The following WRN variants were observed in gnomAD, a reference collection of about 807,000 sequenced individuals.
The protein encoded by WRN is WRN RecQ like helicase.
WRN carries 149 observed loss-of-function variants against 180.7 expected under a neutral mutation model. That is an observed-to-expected ratio of 0.82 (90% CI 0.72 to 0.94). The LOEUF is 0.94. WRN is among the 40% of genes least tolerant of loss of function. The pLI is 0.00. For synonymous variants in WRN, 548 were observed against 568.9 expected, an observed-to-expected ratio of 0.96 and a Z score of 0.52; for missense variants, 1,661 against 1,700.1, an observed-to-expected ratio of 0.98 and a Z score of 0.40.
chr8:31,072,291 GGCAATGC>G (rs1812941787), intron 7 of WRN, among the ~76,000 whole-genome samples: 1 of 152,194 alleles, frequency 6.6e-6, no homozygotes. Context: ...CATTAGATTT[GGCAATGC>G]GCCAATCATT....
chr8:31,111,643 C>T lies in WRN; in HGVS notation c.2117C>T (p.Ala706Val), dbSNP rs2130283010. ...MVPIVALTAT[A>V]SSSIREDIVR... is the part of the protein sequence containing the mutation. Reference sequence around the variant, plus strand: ...CCAATCGTTGCACTTACTGCTACTGCAAGTTCTTCAATCCGGGAAGACATT... The same window carrying T: ...CCAATCGTTGCACTTACTGCTACTGTAAGTTCTTCAATCCGGGAAGACATT... The change falls in exon 19 of 35, where the codon GCA (alanine) becomes GTA (valine). Residue 706 changes from alanine to valine, a missense_variant. By Grantham distance (64) the Ala-to-Val change is moderately conservative. Transcript: ENST00000298139. 16 of 1,614,034 alleles carry T rather than the reference C, an allele frequency of 9.9e-6. No homozygotes were observed. The highest frequency in any genetic ancestry group is 1.3e-5 in the Non-Finnish European group (15 of 1,179,962).
intron 21 of WRN, among the ~76,000 whole-genome samples, chr8:31,121,355 G>A (rs1471269213): frequency 1.3e-5 from 2 of 151,910 alleles, no homozygotes; most frequent in African/African-American, 4.8e-5. Flanking sequence ...ATTAAACAAT[G>A]TGTTTTTGAT....
intron 1 of WRN, among the ~76,000 whole-genome samples, chr8:31,045,285 A>G (rs1471453831): frequency 6.6e-6 from 1 of 152,218 alleles, no homozygotes. Context: ...CCTACAGTCA[A>G]ACAAATTAAC....
chr8:31,054,794 A>C (rs777394074), intron 1 of WRN, among the ~76,000 whole-genome samples: 5 of 152,244 alleles, frequency 3.3e-5, no homozygotes, highest in Admixed American at 3.3e-4. Context: ...CAGGTTTGCT[A>C]CATAGGTAAA....
At chr8:31,051,098 TAA>T (rs977344755) in intron 1 of WRN, among the ~76,000 whole-genome samples, 9 of 152,188 alleles carry the variant, frequency 5.9e-5, no homozygotes, top group African/African-American at 2.2e-4. Context: ...TAGTGCTTTT[TAA>T]AAAGAGTGGG....
In WRN at chr8:31,076,232, A is replaced by T. The variant is rs781773383; in HGVS notation, c.784A>T (p.Met262Leu). 2 of 1,613,780 alleles carry T rather than the reference A, an allele frequency of 1.2e-6. No individual in the cohort carries two copies. Among genetic ancestry groups the T allele is most frequent in the Admixed American group, 3.3e-5 (2 of 60,008 alleles). ...KQLTSISEEV[M>L]DLAKHLPHAF... Reference sequence around the variant, plus strand: ...GTTGACTTCAATCTCTGAGGAAGTGATGGATCTGGCTAAGCATCTTCCTCA... The same window carrying T: ...GTTGACTTCAATCTCTGAGGAAGTGTTGGATCTGGCTAAGCATCTTCCTCA... The change falls in exon 8 of 35, where the codon ATG (methionine) becomes TTG (leucine). Residue 262 changes from methionine (M) to leucine (L), a missense_variant. By Grantham distance (15) the Met-to-Leu change is conservative. Coordinates refer to ENST00000298139, the MANE Select transcript of WRN (RefSeq NM_000553.6).
intron 7 of WRN, among the ~76,000 whole-genome samples, chr8:31,073,051 T>G (rs1812969259): frequency 6.6e-6 from 1 of 152,194 alleles, no homozygotes; most frequent in Non-Finnish European, 1.5e-5. Flanking sequence ...GAATCTGACT[T>G]CATTTCTTAT....
rs1049111568 is a variant in WRN, at chr8:31,107,967, A to C, written c.2089-3648A>C. Among the ~76,000 whole-genome samples, 5 of 152,136 alleles carry C rather than the reference A, an allele frequency of 3.3e-5. No individual in the cohort carries two copies. In the South Asian group the frequency reaches 1.0e-3, roughly 32 times the overall value. Reference sequence around the variant, plus strand: ...AGTAACTATTTAGAATGAGTGCATGAATGAATGAAGTATGTGTGATGTTAT... The same window carrying C: ...AGTAACTATTTAGAATGAGTGCATGCATGAATGAAGTATGTGTGATGTTAT... On this transcript the variant is annotated intron_variant, in intron 18 of 34. Coordinates refer to ENST00000298139, the MANE Select transcript of WRN (RefSeq NM_000553.6).
intron 27 of WRN, among the ~76,000 whole-genome samples, chr8:31,143,052 C>CACACACAT (rs1272452345): frequency 2.3e-3 from 153 of 65,432 alleles, no homozygotes; most frequent in African/African-American, 7.1e-3. Context: ...CACACACACA[C>CACACACAT]ACATTCTCTC....
intron 1 of WRN, among the ~76,000 whole-genome samples, chr8:31,039,800 A>T (rs1811580919): frequency 6.6e-6 from 1 of 152,102 alleles, no homozygotes; most frequent in Non-Finnish European, 1.5e-5. Context: ...TGTCAATTGA[A>T]ATGATCATGT....
chr8:31,089,041 C>A, intron 13 of WRN, 76 bp downstream of exon 13: 1 of 1,302,470 alleles, frequency 7.7e-7, no homozygotes, highest in Non-Finnish European at 1.1e-6. Flanking sequence ...AATAACCTGT[C>A]TGCTTAACAG....
intron 33 of WRN, among the ~76,000 whole-genome samples, chr8:31,157,970 C>T (rs1478664917): frequency 6.6e-5 from 10 of 152,080 alleles, no homozygotes; most frequent in East Asian, 1.9e-4. Context: ...TCTGATGATC[C>T]GCCCACCTCA....
In WRN at chr8:31,067,045, GAGACC is replaced by G; in HGVS notation, c.518_522del (p.Glu173ValfsTer4). On this transcript the variant is annotated frameshift_variant, in exon 6 of 35. Coordinates refer to ENST00000298139, the MANE Select transcript of WRN (RefSeq NM_000553.6). LOFTEE classifies it high-confidence loss of function. ...TCATCATTTCTAGCTGAAATGCACA[GAGACC>G]TGGAGCCTTAACAGTCTGGTTAAAC... is the stretch of plus-strand genomic sequence containing the variant. 6.2e-7 allele frequency: 1 copy of G among 1,613,756 alleles called. No homozygotes were observed. Among genetic ancestry groups the G allele is most frequent in the Non-Finnish European group, 8.5e-7 (1 of 1,179,922 alleles).
intron 25 of WRN, 34 bp from the exon 26 acceptor site, chr8:31,141,647 C>T (rs2130416779): frequency 1.9e-6 from 3 of 1,614,100 alleles, no homozygotes; most frequent in African/African-American, 2.7e-5. Flanking sequence ...TTGTTTCCCA[C>T]TCCACATTAA....
chr8:31,135,447 G>C (rs1002800264), intron 24 of WRN, among the ~76,000 whole-genome samples: 3 of 151,890 alleles, frequency 2.0e-5, no homozygotes, highest in African/African-American at 7.3e-5. Flanking sequence ...TTTGTGGGGG[G>C]ATTCAAAGCT....
intron 9 of WRN, among the ~76,000 whole-genome samples, chr8:31,083,019 G>A (rs1813380346): frequency 6.6e-6 from 1 of 151,906 alleles, no homozygotes; most frequent in Admixed American, 6.6e-5. Flanking sequence ...GGTTAATTAA[G>A]GCTGTACTTC....
intron 18 of WRN, among the ~76,000 whole-genome samples, chr8:31,101,555 G>C (rs1252406458): frequency 1.3e-5 from 2 of 152,112 alleles, no homozygotes; most frequent in Non-Finnish European, 2.9e-5. Flanking sequence ...GGGAGGCCGA[G>C]GTGGGTGGAT....
intron 29 of WRN, 23 bp from the exon 30 acceptor site, chr8:31,147,341 T>G: frequency 6.2e-7 from 1 of 1,607,640 alleles, no homozygotes; most frequent in Non-Finnish European, 8.5e-7. Context: ...TTAAAAAGTG[T>G]TGTTTCTTTG....
intron 33 of WRN, among the ~76,000 whole-genome samples, chr8:31,157,997 C>T (rs558932198): frequency 2.6e-5 from 4 of 152,086 alleles, no homozygotes; most frequent in Non-Finnish European, 2.9e-5. Context: ...CAAAGTGCTG[C>T]GATTACAGGT....
Sources: gnomAD v4.1 joint callset for allele counts (sites outside exome capture counted in the v4.1 genomes callset) on GRCh38, gnomAD v4.1.1 for gene constraint, MANE v1.5 for transcripts, NCBI Gene and HGNC (gene_info 2026-07-23, HGNC 2026-07-21) for gene names.